NPAS3: variants seen among roughly 807,000 people sequenced by gnomAD.
The protein encoded by NPAS3 is neuronal PAS domain-containing protein 3.
In NPAS3, 14 loss-of-function variants were observed where a neutral mutation model predicts 73.1. The observed-to-expected ratio is 0.19, with a 90% CI of 0.13 to 0.30. The LOEUF (loss-of-function observed/expected upper bound fraction) is 0.30, where lower values mean the gene tolerates loss of function less well. Among genes scored for constraint, NPAS3 ranks in the 10% least tolerant of loss-of-function variants. NPAS3 has a pLI of 1.00. For synonymous variants in NPAS3, 620 were observed against 541.5 expected, an observed-to-expected ratio of 1.14 and a Z score of -2.01; for missense variants, 1,096 against 1,250.0, an observed-to-expected ratio of 0.88 and a Z score of 1.86.
chr14:33,494,806 A>G (rs2139848965), intron 4 of NPAS3, among the ~76,000 whole-genome samples: 1 of 152,222 alleles, frequency 6.6e-6, no homozygotes, highest in East Asian at 1.9e-4. Flanking sequence ...GCCCTTCCTC[A>G]TGGATTTCTT....
chr14:33,316,332 T>A (rs1305207988), intron 3 of NPAS3, among the ~76,000 whole-genome samples: 1 of 152,030 alleles, frequency 6.6e-6, no homozygotes, highest in African/African-American at 2.4e-5. Flanking sequence ...ACCTTGGAAG[T>A]GGAAAATACG....
intron 1 of NPAS3, among the ~76,000 whole-genome samples, chr14:33,006,513 A>G (rs1024611888): frequency 6.6e-5 from 10 of 152,178 alleles, no homozygotes; most frequent in African/African-American, 2.4e-4. Context: ...AGGGGTAACC[A>G]TGGGTTACCA....
At chr14:32,946,503 CTT>C (rs2036268616) in intron 1 of NPAS3, among the ~76,000 whole-genome samples, 1 of 152,056 alleles carries the variant, frequency 6.6e-6, no homozygotes, top group Admixed American at 6.6e-5. Context: ...CTTTAGGAAA[CTT>C]TGTAGCGTGT....
intron 4 of NPAS3, among the ~76,000 whole-genome samples, chr14:33,399,143 T>C (rs2047344527): frequency 6.6e-6 from 1 of 152,120 alleles, no homozygotes; most frequent in South Asian, 2.1e-4. Context: ...TTTAGGGTAA[T>C]ATAGCTGGGT....
intron 2 of NPAS3, among the ~76,000 whole-genome samples, chr14:33,179,298 A>G (rs544755566): frequency 1.4e-4 from 22 of 152,340 alleles, no homozygotes; most frequent in African/African-American, 5.3e-4. Flanking sequence ...ATGACAAAAC[A>G]TTTGAGTCTG....
intron 4 of NPAS3, among the ~76,000 whole-genome samples, chr14:33,396,365 G>A (rs1043382887): frequency 6.6e-6 from 1 of 152,096 alleles, no homozygotes; most frequent in Non-Finnish European, 1.5e-5. Context: ...AGGATTAAAC[G>A]TGGGTGATTT....
chr14:33,726,790 T>A (rs2061279729), intron 6 of NPAS3, among the ~76,000 whole-genome samples: 1 of 152,012 alleles, frequency 6.6e-6, no homozygotes, highest in African/African-American at 2.4e-5. Context: ...CTTACATGGG[T>A]TTAATCACAA....
At chr14:33,700,807 G>A (rs947682670) in intron 6 of NPAS3, among the ~76,000 whole-genome samples, 3 of 152,182 alleles carry the variant, frequency 2.0e-5, no homozygotes, top group Non-Finnish European at 4.4e-5. Flanking sequence ...ACCAATCCAC[G>A]TATAAATTTG....
chr14:33,731,447 G>A (rs1173144229), intron 6 of NPAS3, among the ~76,000 whole-genome samples: 1 of 149,624 alleles, frequency 6.7e-6, no homozygotes, highest in East Asian at 2.0e-4. Context: ...AAAAGAGAGA[G>A]AGAAAGAAAA....
intron 3 of NPAS3, among the ~76,000 whole-genome samples, chr14:33,322,324 TG>T (rs1422691664): frequency 1.3e-5 from 2 of 152,200 alleles, no homozygotes; most frequent in Non-Finnish European, 2.9e-5. Context: ...TGATGTGTCA[TG>T]GTAATAGAAT....
chr14:33,011,050 G>A (rs1005637083), intron 1 of NPAS3, among the ~76,000 whole-genome samples: 4 of 152,020 alleles, frequency 2.6e-5, no homozygotes, highest in Non-Finnish European at 4.4e-5. Flanking sequence ...GTGAGTAATG[G>A]CAGTTACTGT....
chr14:33,669,923 G>C (rs949014010), intron 5 of NPAS3, among the ~76,000 whole-genome samples: 5 of 151,930 alleles, frequency 3.3e-5, no homozygotes, highest in Non-Finnish European at 7.4e-5. Context: ...GTTTGCTTTT[G>C]TTTGTTTTTG....
In NPAS3 at chr14:33,215,436, A is replaced by C. The variant is rs1423815539; in HGVS notation, c.385+10A>C. 6.2e-7 allele frequency: 1 copy of C among 1,613,784 alleles called. No homozygotes were observed. Among genetic ancestry groups the C allele is most frequent in the Non-Finnish European group, 8.5e-7 (1 of 1,179,822 alleles). On this transcript the variant is annotated intron_variant, in intron 3 of 11. Transcript: ENST00000356141. ...AACACATCAGTAAAAGGTAAGTTTT[A>C]GGTCACTGTTCAGTCTGAATATGAT...
At chr14:33,090,200 T>C (rs767063963) in intron 2 of NPAS3, among the ~76,000 whole-genome samples, 6 of 152,234 alleles carry the variant, frequency 3.9e-5, no homozygotes, top group Admixed American at 6.5e-5. Context: ...AGACACAGTC[T>C]GGCAAATTGG....
At chr14:33,274,776 C>T (rs1049552946) in intron 3 of NPAS3, among the ~76,000 whole-genome samples, 10 of 152,262 alleles carry the variant, frequency 6.6e-5, no homozygotes, top group Admixed American at 3.9e-4. Flanking sequence ...ATTTAGGCCT[C>T]CTGCTTTTCA....
At chr14:32,983,956 G>C (rs1008416612) in intron 1 of NPAS3, among the ~76,000 whole-genome samples, 1 of 152,018 alleles carries the variant, frequency 6.6e-6, no homozygotes, top group East Asian at 1.9e-4. Flanking sequence ...TCCTGACCTC[G>C]AGTGATCTGC....
intron 4 of NPAS3, among the ~76,000 whole-genome samples, chr14:33,444,561 A>G (rs1288778530): frequency 1.3e-5 from 2 of 152,232 alleles, no homozygotes; most frequent in Non-Finnish European, 2.9e-5. Context: ...CTGGTGAAAC[A>G]TGGAATGACC....
chr14:33,002,645 A>G (rs957210962), intron 1 of NPAS3, among the ~76,000 whole-genome samples: 1 of 152,230 alleles, frequency 6.6e-6, no homozygotes, highest in Non-Finnish European at 1.5e-5. Context: ...AGTAAATGAT[A>G]GGACTTACTG....
At chr14:33,245,008 A>G (rs541199562) in intron 3 of NPAS3, among the ~76,000 whole-genome samples, 1 of 152,326 alleles carries the variant, frequency 6.6e-6, no homozygotes, top group South Asian at 2.1e-4. Context: ...TTTGAAAACC[A>G]TAGCTCTAGG....
Sources: gnomAD v4.1 joint callset for allele counts (sites outside exome capture counted in the v4.1 genomes callset) on GRCh38, gnomAD v4.1.1 for gene constraint, MANE v1.5 for transcripts, NCBI Gene and HGNC (gene_info 2026-07-23, HGNC 2026-07-21) for gene names.